Variants in LARGE1 observed in about 807,000 individuals in gnomAD.
LARGE1 encodes xylosyl- and glucuronyltransferase LARGE1.
Under a neutral mutation model 87.6 loss-of-function variants are expected in LARGE1, and 43 were observed. The observed-to-expected ratio is 0.49, with a 90% confidence interval of 0.38 to 0.63. The LOEUF (loss-of-function observed/expected upper bound fraction) is 0.63. Among genes scored for constraint, LARGE1 ranks in the 30% least tolerant of loss-of-function variants. The probability of loss-of-function intolerance (pLI) is 0.00; values close to 1 mark genes in which losing one functional copy is unlikely to be tolerated. For missense variants in LARGE1, 802 were observed against 1,000.2 expected (o/e 0.80, Z 2.67); for synonymous variants, 434 against 394.6 (o/e 1.10, Z -1.18).
chr22:33,694,012 C>T (rs763613172), intron 2 of LARGE1, among the ~76,000 whole-genome samples: 11 of 152,140 alleles, frequency 7.2e-5, no homozygotes, highest in Non-Finnish European at 1.0e-4. Flanking sequence ...TATCTGCTCA[C>T]AGTATTTGAG....
chr22:33,251,173 A>T (rs1017234352), intron 11 of LARGE1, among the ~76,000 whole-genome samples: 1 of 152,198 alleles, frequency 6.6e-6, no homozygotes, highest in Non-Finnish European at 1.5e-5. Context: ...TTGATATCCT[A>T]GAGCCAAATG....
At chr22:33,622,766 A>T (rs240595) in intron 4 of LARGE1, among the ~76,000 whole-genome samples, 4 of 152,082 alleles carry the variant, frequency 2.6e-5, no homozygotes, top group African/African-American at 9.7e-5. Context: ...TGCCCACTGG[A>T]GTAGACAGGG....
At chr22:33,518,212 A>G (rs971168622) in intron 6 of LARGE1, among the ~76,000 whole-genome samples, 1 of 152,252 alleles carries the variant, frequency 6.6e-6, no homozygotes, top group African/African-American at 2.4e-5. Context: ...TGTGTGTCAC[A>G]CAAATCCCAG....
In LARGE1 at chr22:33,384,304, C is replaced by A; in HGVS notation, c.893G>T (p.Gly298Val). 2 of 1,608,958 alleles carry A rather than the reference C, an allele frequency of 1.2e-6. No homozygotes were observed. Among genetic ancestry groups the A allele is most frequent in the Middle Eastern group, 1.7e-4 (1 of 5,902 alleles). Reference protein sequence around the residue: ...WPALGRGYNTGVILLLLDKLR... With the variant: ...WPALGRGYNTVVILLLLDKLR... ...CTTATCCAGAAGTAACAGGATCACCCCTGGGCAACAGCACAGGATAAAAGA... is the reference window on the plus strand; with the variant it reads ...CTTATCCAGAAGTAACAGGATCACCACTGGGCAACAGCACAGGATAAAAGA... Residue 298 changes from glycine (G) to valine (V), a missense_variant and splice_region_variant, in exon 8 of 15, where the codon GGG becomes GTG. By Grantham distance (109) the Gly-to-Val change is moderately radical. Transcript: ENST00000397394.
chr22:33,675,564 G>A (rs1257294594), intron 2 of LARGE1, among the ~76,000 whole-genome samples: 3 of 152,176 alleles, frequency 2.0e-5, no homozygotes, highest in African/African-American at 7.2e-5. Context: ...GAAGGCCAGT[G>A]TGGGTGAAAC....
intron 2 of LARGE1, among the ~76,000 whole-genome samples, chr22:33,757,753 C>A (rs2084572686): frequency 6.6e-6 from 1 of 152,202 alleles, no homozygotes; most frequent in South Asian, 2.1e-4. Context: ...CTTCACCTGC[C>A]ACGAAACCAA....
At chr22:33,680,695 G>A (rs990299664) in intron 2 of LARGE1, among the ~76,000 whole-genome samples, 4 of 152,032 alleles carry the variant, frequency 2.6e-5, no homozygotes, top group African/African-American at 9.6e-5. Context: ...TTATTCCTGC[G>A]TCTAACAAAG....
At chr22:33,856,170 A>T (rs2063749324) in intron 1 of LARGE1, among the ~76,000 whole-genome samples, 1 of 152,160 alleles carries the variant, frequency 6.6e-6, no homozygotes, top group Non-Finnish European at 1.5e-5. Flanking sequence ...AAGATTTCAA[A>T]ATGTTTCATG....
chr22:33,405,470 T>C (rs561435980), intron 7 of LARGE1, among the ~76,000 whole-genome samples: 5 of 152,334 alleles, frequency 3.3e-5, no homozygotes, highest in African/African-American at 1.2e-4. Flanking sequence ...TCTGTTGTCA[T>C]TCATTACACA....
intron 12 of LARGE1, among the ~76,000 whole-genome samples, chr22:33,285,278 T>C (rs565096387): frequency 5.9e-5 from 9 of 152,218 alleles, no homozygotes; most frequent in South Asian, 2.1e-4. Flanking sequence ...AAGGTAGGCA[T>C]TGTAAGGCAT....
rs1928472873 is a variant in LARGE1 at position 33,273,112 on chromosome 22, G to C, written c.*1315C>G. On this transcript the variant is annotated 3_prime_UTR_variant, in exon 15 of 15. Coordinates refer to ENST00000397394, the MANE Select transcript of LARGE1 (RefSeq NM_133642.5). ...CAGTCTGTACTTTCATTTATTAAATGCAGCTTTCGCTGGTCACATTGCAAC... is the reference window on the plus strand; with the variant it reads ...CAGTCTGTACTTTCATTTATTAAATCCAGCTTTCGCTGGTCACATTGCAAC... 2 of 291,572 alleles carry C rather than the reference G, an allele frequency of 6.9e-6. No homozygotes were observed. The highest frequency in any genetic ancestry group is 1.3e-5 in the Non-Finnish European group (2 of 158,992). The allele number at this position is 291,572 out of a possible 1,614,324, so 18.1% of individuals were successfully genotyped here.
intron 5 of LARGE1, among the ~76,000 whole-genome samples, chr22:33,577,890 A>G (rs1343659052): frequency 6.6e-6 from 1 of 152,228 alleles, no homozygotes; most frequent in African/African-American, 2.4e-5. Context: ...TTGGTGTAGT[A>G]AAAGGAAAAC....
At chr22:33,126,711 T>C in the LARGE1 span, among the ~76,000 whole-genome samples, 1 of 152,232 alleles carries the variant, frequency 6.6e-6, no homozygotes, top group Non-Finnish European at 1.5e-5. Flanking sequence ...GGGCAAGACA[T>C]AATGTGTGGT....
intron 9 of LARGE1, among the ~76,000 whole-genome samples, chr22:33,360,746 T>C (rs2064358723): frequency 6.7e-6 from 1 of 149,634 alleles, no homozygotes; most frequent in South Asian, 2.2e-4. Context: ...AAATGCTATA[T>C]AAACTGCGTG....
At chr22:33,788,487 C>T (rs368148492) in intron 1 of LARGE1, among the ~76,000 whole-genome samples, 10 of 152,222 alleles carry the variant, frequency 6.6e-5, no homozygotes, top group African/African-American at 2.2e-4. Flanking sequence ...GAGTAACAGG[C>T]AGAGGTTGGA....
At position 33,729,172 on chromosome 22, in the gene LARGE1, AAAACACAT is replaced by A. The variant is rs1284233818; in HGVS notation, c.106+32191_106+32198del. Among the ~76,000 whole-genome samples the A allele has an allele frequency of 2.0e-5, 3 of 152,350 alleles. No homozygotes were observed. The East Asian group carries it at 5.8e-4, about 29-fold the overall frequency. Reference sequence around the variant, plus strand: ...CCCCAAAATGAGTTAACTTACAATTAAAACACATGTATATAGAACACCAAAGTGCAGAT... The same window carrying A: ...CCCCAAAATGAGTTAACTTACAATTAGTATATAGAACACCAAAGTGCAGAT... On this transcript the variant is annotated intron_variant, in intron 2 of 14. Transcript: ENST00000397394.
intron 7 of LARGE1, among the ~76,000 whole-genome samples, chr22:33,430,904 C>T (rs1405595013): frequency 6.7e-6 from 1 of 150,324 alleles, no homozygotes; most frequent in Admixed American, 6.6e-5. Flanking sequence ...GCTGATCCCA[C>T]TACAGACTGG....
chr22:33,629,865 C>T (rs1321021163), intron 3 of LARGE1, among the ~76,000 whole-genome samples: 2 of 151,940 alleles, frequency 1.3e-5, no homozygotes, highest in Non-Finnish European at 2.9e-5. Flanking sequence ...GTCAAGAGTT[C>T]GAGACCCGCC....
intron 3 of LARGE1, among the ~76,000 whole-genome samples, chr22:33,627,700 C>G (rs2079966275): frequency 1.3e-5 from 2 of 152,126 alleles, no homozygotes; most frequent in African/African-American, 4.8e-5. Context: ...GCACGGGAGG[C>G]TCGGCCATCA....
Sources: gnomAD v4.1 joint callset for allele counts (sites outside exome capture counted in the v4.1 genomes callset) on GRCh38, gnomAD v4.1.1 for gene constraint, MANE v1.5 for transcripts, NCBI Gene and HGNC (gene_info 2026-07-23, HGNC 2026-07-21) for gene names.